Variants in HERC4 observed in about 807,000 individuals in gnomAD.
The protein encoded by HERC4 is probable E3 ubiquitin-protein ligase HERC4.
Under a neutral mutation model 124.3 loss-of-function variants are expected in HERC4, and 28 were observed. That is an observed-to-expected ratio of 0.23 (90% CI 0.17 to 0.31). The LOEUF (loss-of-function observed/expected upper bound fraction) is 0.31. Among genes scored for constraint, HERC4 ranks in the 10% least tolerant of loss-of-function variants. The pLI is 1.00. For synonymous variants in HERC4, 407 were observed against 421.5 expected (o/e 0.97, Z 0.42); for missense variants, 713 against 1,229.3 (o/e 0.58, Z 6.28).
intron 7 of HERC4, among the ~76,000 whole-genome samples, chr10:68,030,346 C>T (rs1408732954): frequency 6.6e-6 from 1 of 151,976 alleles, no homozygotes; most frequent in Non-Finnish European, 1.5e-5. Flanking sequence ...GAGGCTGAGG[C>T]ATGAGAATCA....
At chr10:67,927,404 ATATATATATATATATATATATATATATTT>A (rs2031157761) in intron 23 of HERC4, among the ~76,000 whole-genome samples, 1 of 8,452 alleles carries the variant, frequency 1.2e-4, no homozygotes, top group African/African-American at 3.1e-4. Flanking sequence ...ATATATATAT[ATATATATATATATATATATATATATATTT>A]TTTTTTTTTT....
Position 68,023,266 on chromosome 10 carries a change from A to G in HERC4, c.908+2280T>C, listed in dbSNP as rs535905694. 1.8e-4 allele frequency among the ~76,000 whole-genome samples: 27 copies of G among 152,328 alleles called. No homozygotes were observed. In the South Asian group the frequency reaches 3.9e-3, roughly 22 times the overall value. Reference sequence around the variant, plus strand: ...CATGTTCATAGCAACAATATTCACAATAAGATAAAACACAAAAGTAACCCA... The same window carrying G: ...CATGTTCATAGCAACAATATTCACAGTAAGATAAAACACAAAAGTAACCCA... On this transcript the variant is annotated intron_variant, in intron 8 of 24. Transcript: ENST00000373700.
intron 23 of HERC4, among the ~76,000 whole-genome samples, chr10:67,930,231 A>T (rs1353467573): frequency 4.7e-5 from 7 of 149,300 alleles, no homozygotes; most frequent in African/African-American, 1.2e-4. Flanking sequence ...TTTGCAAATT[A>T]AAAAAAAAAG....
At chr10:68,021,258 G>C (rs995760711) in intron 8 of HERC4, among the ~76,000 whole-genome samples, 1 of 152,052 alleles carries the variant, frequency 6.6e-6, no homozygotes, top group African/African-American at 2.4e-5. Flanking sequence ...ACACTAAAAG[G>C]GTTACATACT....
chr10:67,988,984 T>C, intron 14 of HERC4, 149 bp from the exon 15 acceptor site: 1 of 611,232 alleles, frequency 1.6e-6, no homozygotes, highest in Non-Finnish European at 2.8e-6. Flanking sequence ...TTATGTAACA[T>C]TTGTAAGGTT....
At chr10:67,953,222 T>C (rs2033924309) in intron 19 of HERC4, among the ~76,000 whole-genome samples, 1 of 152,196 alleles carries the variant, frequency 6.6e-6, no homozygotes, top group African/African-American at 2.4e-5. Flanking sequence ...AAATTGAATT[T>C]GAACAAGCAA....
intron 8 of HERC4, among the ~76,000 whole-genome samples, chr10:68,019,060 G>A (rs1177082148): frequency 4.8e-5 from 7 of 144,696 alleles, no homozygotes; most frequent in Non-Finnish European, 7.4e-5. Context: ...GCAATGGTGC[G>A]ATCTCGGCTC....
chr10:68,043,629 A>G (rs1451920155), intron 4 of HERC4, among the ~76,000 whole-genome samples: 1 of 152,128 alleles, frequency 6.6e-6, no homozygotes, highest in Admixed American at 6.5e-5. Flanking sequence ...AGCCTGGCCA[A>G]CATGGTGAAC....
At chr10:67,992,734 A>G (rs1451388181) in intron 9 of HERC4, 52 bp from the exon 10 acceptor site, 3 of 909,424 alleles carry the variant, frequency 3.3e-6, no homozygotes. Context: ...AACATATTTC[A>G]GAGCATCAAT....
intron 23 of HERC4, among the ~76,000 whole-genome samples, chr10:67,927,430 A>AAT (rs1295813582): frequency 2.6e-5 from 1 of 37,924 alleles, no homozygotes; most frequent in African/African-American, 5.8e-5. Flanking sequence ...ATATATATAT[A>AAT]TTTTTTTTTT....
At chr10:67,996,121 C>T (rs755116099) in intron 9 of HERC4, 6 of 449,212 alleles carry the variant, frequency 1.3e-5, no homozygotes, top group Middle Eastern at 3.3e-4. Flanking sequence ...GCCTGGACAA[C>T]ATGGCAAGAC....
intron 3 of HERC4, among the ~76,000 whole-genome samples, chr10:68,062,693 G>C (rs2041092835): frequency 6.6e-6 from 1 of 152,022 alleles, no homozygotes; most frequent in Non-Finnish European, 1.5e-5. Flanking sequence ...CCGGGAGGCG[G>C]AGGTTGCAGT....
chr10:67,954,564 C>T, intron 19 of HERC4, 31 bp downstream of exon 19: 3 of 1,596,896 alleles, frequency 1.9e-6, no homozygotes, highest in African/African-American at 1.3e-5. Flanking sequence ...GGTATATACA[C>T]AGAAGTAATT....
intron 22 of HERC4, among the ~76,000 whole-genome samples, chr10:67,933,432 T>C (rs960244620): frequency 6.6e-5 from 10 of 152,152 alleles, no homozygotes; most frequent in Non-Finnish European, 1.3e-4. Context: ...ACCCCTGAAT[T>C]TGAACCACAA....
At chr10:67,972,458 T>C (rs1270404902) in intron 15 of HERC4, among the ~76,000 whole-genome samples, 2 of 130,688 alleles carry the variant, frequency 1.5e-5, no homozygotes, top group Non-Finnish European at 3.1e-5. Flanking sequence ...GAGGCGGAGG[T>C]TGCGGTGAGC....
rs559293451 is a variant in HERC4 at position 68,037,156 on chromosome 10, G to A, written c.463+937C>T. Among the ~76,000 whole-genome samples, 142 of 141,624 alleles carry A rather than the reference G, an allele frequency of 1.0e-3. 1 individual carries two copies. The highest frequency in any genetic ancestry group is 3.6e-3 in the African/African-American group (136 of 37,380). The allele number at this position is 141,624 out of a possible 152,430, so 92.9% of individuals were successfully genotyped here. On this transcript the variant is annotated intron_variant, in intron 5 of 24. Transcript: ENST00000373700. ...GTCGCCCAGGCTGGACTATAGTGCC[G>A]TGATCTTGGCTCACTGCAACTTCCG...
intron 9 of HERC4, among the ~76,000 whole-genome samples, chr10:68,000,975 T>C (rs888600701): frequency 2.6e-5 from 4 of 152,196 alleles, no homozygotes; most frequent in Admixed American, 1.3e-4. Flanking sequence ...CAAACTAATA[T>C]AGTTGTTTCA....
chr10:67,992,220 C>G lies in HERC4; in HGVS notation c.1250G>C (p.Arg417Thr). The change falls in exon 11 of 25, where the codon AGG (arginine) becomes ACG (threonine). Residue 417 changes from arginine to threonine, a missense_variant. Coordinates refer to ENST00000373700, the MANE Select transcript of HERC4 (RefSeq NM_015601.4). ...TTACTTGGCTATCTCCACAGGAAACCTTCCAGAAGGATAGCTCAGCCATTT... is the reference window on the plus strand; with the variant it reads ...TTACTTGGCTATCTCCACAGGAAACGTTCCAGAAGGATAGCTCAGCCATTT... Reference protein sequence around the residue: ...IQKWLSYPSGRFPVEIANEID... With the variant: ...IQKWLSYPSGTFPVEIANEID... 8.1e-6 allele frequency: 13 copies of G among 1,613,968 alleles called. No individual in the cohort carries two copies. Among genetic ancestry groups the G allele is most frequent in the Non-Finnish European group, 1.1e-5 (13 of 1,179,908 alleles).
At chr10:68,054,076 T>C (rs1027921177) in intron 3 of HERC4, among the ~76,000 whole-genome samples, 1 of 152,134 alleles carries the variant, frequency 6.6e-6, no homozygotes, top group Non-Finnish European at 1.5e-5. Context: ...AAATACAGAT[T>C]TCCCCTTCTC....
Sources: gnomAD v4.1 joint callset for allele counts (sites outside exome capture counted in the v4.1 genomes callset) on GRCh38, gnomAD v4.1.1 for gene constraint, MANE v1.5 for transcripts, NCBI Gene and HGNC (gene_info 2026-07-23, HGNC 2026-07-21) for gene names.